The following ITSN2 variants were observed in gnomAD, a reference collection of about 807,000 sequenced individuals.
ITSN2 encodes the protein intersectin-2.
A neutral mutation model predicts 243.7 loss-of-function variants in ITSN2; 156 were observed. The ratio of observed to expected loss-of-function variants is 0.64; its 90% confidence interval spans 0.56 to 0.73. The LOEUF is 0.73. ITSN2 is among the 30% of genes least tolerant of loss of function. ITSN2 has a pLI of 0.00. For missense variants in ITSN2, 1,801 were observed against 1,996.1 expected, an observed-to-expected ratio of 0.90 and a Z score of 1.86; for synonymous variants, 703 against 699.9, an observed-to-expected ratio of 1.00 and a Z score of -0.07.
chr2:24,294,986 C>A (rs1680752223), intron 14 of ITSN2, among the ~76,000 whole-genome samples: 1 of 152,196 alleles, frequency 6.6e-6, no homozygotes, highest in Non-Finnish European at 1.5e-5. Context: ...AATCTGCTAA[C>A]ACCTTGATCT....
chr2:24,330,430 C>T (rs1558639632), intron 1 of ITSN2: 3 of 626,654 alleles, frequency 4.8e-6, no homozygotes. Flanking sequence ...GAAGGGGATG[C>T]TAAAGGAGAT....
intron 23 of ITSN2, 140 bp from the exon 24 acceptor site, chr2:24,254,571 T>C: frequency 1.7e-6 from 1 of 575,736 alleles, no homozygotes; most frequent in Non-Finnish European, 3.1e-6. Flanking sequence ...TACACAGAAC[T>C]GGGAAGACTT....
chr2:24,261,736 C>A lies in ITSN2; in HGVS notation c.2362G>T (p.Glu788Ter). 6.2e-7 allele frequency: 1 copy of A among 1,610,764 alleles called. No individual in the cohort carries two copies. Among genetic ancestry groups the A allele is most frequent in the South Asian group, 1.1e-5 (1 of 90,670 alleles). ...FNSGDIIQVD[E>*]KTVGEPGWLY... ...CAACCAGGTTCTCCTACGGTTTTTT[C>A]ATCAACCTACGGAAATAAAAAGAAG... The change falls in exon 21 of 40, where the codon GAA becomes TAA. Residue 788 changes from glutamate (E) to a stop codon, truncating the protein, a stop_gained. Transcript: ENST00000355123. LOFTEE classifies it high-confidence loss of function.
In ITSN2 at chr2:24,251,309, C is replaced by CAAAAAAAAAAAAAAAAAAAA. The variant is rs1553355845; in HGVS notation, c.3120+1035_3120+1036insTTTTTTTTTTTTTTTTTTTT. On this transcript the variant is annotated intron_variant, in intron 25 of 39. Transcript: ENST00000355123. ...TGGGCAACAGAACTAAACTCCATCT[C>CAAAAAAAAAAAAAAAAAAAA]AAAAAAAAAAAAAAATAAAATATAT... 4.5e-4 allele frequency among the ~76,000 whole-genome samples: 10 copies of CAAAAAAAAAAAAAAAAAAAA among 22,012 alleles called. 5 individuals are homozygous for CAAAAAAAAAAAAAAAAAAAA. Among genetic ancestry groups the CAAAAAAAAAAAAAAAAAAAA allele is most frequent in the Admixed American group, 1.3e-3 (2 of 1,556 alleles). The allele number at this position is 22,012 out of a possible 152,430, so 14.4% of individuals were successfully genotyped here.
Position 24,211,319 on chromosome 2 carries a change from G to C in ITSN2, c.4090-372C>G, listed in dbSNP as rs1438080333. 2.0e-5 allele frequency among the ~76,000 whole-genome samples: 3 copies of C among 152,194 alleles called. No homozygotes were observed. Among genetic ancestry groups the C allele is most frequent in the Non-Finnish European group, 4.4e-5 (3 of 68,048 alleles). ...TAAACTGGCTGCAGCTGTGGTAAGT[G>C]TGAACTTGCTGAATAGCAATGGTTC... On this transcript the variant is annotated intron_variant, in intron 33 of 39. Coordinates refer to ENST00000355123, the MANE Select transcript of ITSN2 (RefSeq NM_006277.3). This position sits in a 1 kb window ranked among gnomAD's most constrained non-coding sequence, Gnocchi z 4.1.
intron 1 of ITSN2, among the ~76,000 whole-genome samples, chr2:24,332,730 A>C (rs1359283945): frequency 6.6e-6 from 1 of 152,232 alleles, no homozygotes; most frequent in Non-Finnish European, 1.5e-5. Flanking sequence ...TAACAATTCT[A>C]CTAGTCTATT....
At chr2:24,222,996 T>C (rs1348885977) in intron 29 of ITSN2, among the ~76,000 whole-genome samples, 1 of 152,148 alleles carries the variant, frequency 6.6e-6, no homozygotes, top group Non-Finnish European at 1.5e-5. Flanking sequence ...CTTAAATAAA[T>C]ATCACTTTCT....
At chr2:24,332,600 T>C (rs1685913477) in intron 1 of ITSN2, among the ~76,000 whole-genome samples, 2 of 152,192 alleles carry the variant, frequency 1.3e-5, no homozygotes, top group African/African-American at 4.8e-5. Context: ...TGATTAACTG[T>C]GGTAACATCT....
At chr2:24,261,305 G>A in intron 21 of ITSN2, 55 bp from the exon 22 acceptor site, 1 of 1,299,122 alleles carries the variant, frequency 7.7e-7, no homozygotes, top group Non-Finnish European at 1.1e-6. Flanking sequence ...ACTTAATGAA[G>A]TACTACCAAT....
intron 1 of ITSN2, among the ~76,000 whole-genome samples, chr2:24,343,578 T>C (rs920380926): frequency 1.3e-5 from 2 of 152,238 alleles, no homozygotes; most frequent in Non-Finnish European, 2.9e-5. Context: ...TGGACAGATA[T>C]GTGCTTCCAA....
intron 2 of ITSN2, among the ~76,000 whole-genome samples, chr2:24,327,283 A>ATTTTCT (rs752889542): frequency 1.1e-4 from 16 of 151,844 alleles, no homozygotes; most frequent in Admixed American, 3.9e-4. Flanking sequence ...TTACCTAAGC[A>ATTTTCT]TTTTCTTTTT....
At chr2:24,230,059 T>C (rs1381087745) in intron 29 of ITSN2, among the ~76,000 whole-genome samples, 1 of 152,242 alleles carries the variant, frequency 6.6e-6, no homozygotes, top group Non-Finnish European at 1.5e-5. Flanking sequence ...CACTCCAGCC[T>C]GAACATCTTC....
intron 29 of ITSN2, among the ~76,000 whole-genome samples, chr2:24,243,737 C>T (rs1673010299): frequency 6.6e-6 from 1 of 152,156 alleles, no homozygotes; most frequent in South Asian, 2.1e-4. Flanking sequence ...GCCACTGTGC[C>T]CAGCCCTGCT....
At chr2:24,305,901 C>A (rs936627355) in intron 8 of ITSN2, among the ~76,000 whole-genome samples, 5 of 152,196 alleles carry the variant, frequency 3.3e-5, no homozygotes, top group African/African-American at 1.2e-4. Flanking sequence ...CCTTCATATT[C>A]CAATGCAAAA....
chr2:24,339,507 C>CTTTAGGAG (rs1347755277), intron 1 of ITSN2, among the ~76,000 whole-genome samples: 9 of 151,860 alleles, frequency 5.9e-5, no homozygotes, highest in Admixed American at 2.6e-4. Context: ...CTTTAGAAAC[C>CTTTAGGAG]CAGTAGTCTT....
intron 2 of ITSN2, among the ~76,000 whole-genome samples, 199 bp downstream of exon 2, chr2:24,327,853 G>A (rs905981406): frequency 2.6e-5 from 4 of 152,012 alleles, no homozygotes; most frequent in Non-Finnish European, 5.9e-5. Context: ...GCAAACACAC[G>A]TTCCAGAATA....
intron 15 of ITSN2, among the ~76,000 whole-genome samples, chr2:24,292,458 T>A (rs949342052): frequency 5.3e-5 from 8 of 152,112 alleles, no homozygotes; most frequent in African/African-American, 1.9e-4. Flanking sequence ...GAACCAAGTA[T>A]AAGGAACACT....
At chr2:24,350,701 T>C (rs1383136963) in intron 1 of ITSN2, among the ~76,000 whole-genome samples, 1 of 152,198 alleles carries the variant, frequency 6.6e-6, no homozygotes, top group Non-Finnish European at 1.5e-5. Flanking sequence ...GCTATAACAT[T>C]GATGAATCTT....
chr2:24,284,833 A>C lies in ITSN2; in HGVS notation c.1874T>G (p.Met625Arg). 6.3e-7 allele frequency: 1 copy of C among 1,594,914 alleles called. No individual in the cohort carries two copies. Among genetic ancestry groups the C allele is most frequent in the Non-Finnish European group, 8.6e-7 (1 of 1,163,324 alleles). ...AAGGCACTGAAGAACAGAGTCATCC[A>C]TATTCCCACACTGTAAGATAAGGCA... ...SFNNQLKCGN[M>R]DDSVLQCLLS... The change falls in exon 17 of 40, where the codon ATG (methionine) becomes AGG (arginine). Residue 625 changes from methionine to arginine, a missense_variant. Met to Arg is a moderately conservative substitution (Grantham distance 91, BLOSUM62 -1). Transcript: ENST00000355123.
Sources: gnomAD v4.1 joint callset for allele counts (sites outside exome capture counted in the v4.1 genomes callset) on GRCh38, gnomAD v4.1.1 for gene constraint, Gnocchi (gnomAD v3.1) non-coding constraint, MANE v1.5 for transcripts, NCBI Gene and HGNC (gene_info 2026-07-23, HGNC 2026-07-21) for gene names.